Variants in PIEZO1 observed in about 807,000 individuals in gnomAD.
The protein encoded by PIEZO1 is piezo-type mechanosensitive ion channel component 1.
Under a neutral mutation model 297.2 loss-of-function variants are expected in PIEZO1, and 296 were observed. That is an observed-to-expected ratio of 1.00 (90% CI 0.91 to 1.10). The LOEUF is 1.10. Among genes scored for constraint, PIEZO1 ranks in the 50% least tolerant of loss-of-function variants. The pLI is 0.00. For synonymous variants in PIEZO1, 2,427 were observed against 1,507.5 expected, an observed-to-expected ratio of 1.61 and a Z score of -14.13; for missense variants, 5,018 against 3,455.5, an observed-to-expected ratio of 1.45 and a Z score of -11.34.
At chr16:88,784,502 A>G (rs1293067426) in intron 1 of PIEZO1, among the ~76,000 whole-genome samples, 1 of 151,698 alleles carries the variant, frequency 6.6e-6, no homozygotes, top group Admixed American at 6.6e-5. Context: ...TTTTTTTTAA[A>G]CCCGAAAGAG....
At position 88,726,695 on chromosome 16, in the gene PIEZO1, CG is replaced by C; in HGVS notation, c.3699+19del. 3 of 1,540,834 alleles carry C rather than the reference CG, an allele frequency of 1.9e-6. No homozygotes were observed. The highest frequency in any genetic ancestry group is 1.2e-5 in the South Asian group (1 of 83,480). On this transcript the variant is annotated intron_variant, in intron 25 of 50. Coordinates refer to ENST00000301015, the MANE Select transcript of PIEZO1 (RefSeq NM_001142864.4). ...CAGCGGGGCCCCAGGGCGGTGGGTG[CG>C]GGGGGGCCGGAGGCTCACCGACAGC...
chr16:88,733,159 A>G (rs1904982018), intron 19 of PIEZO1, 119 bp downstream of exon 19: 3 of 959,910 alleles, frequency 3.1e-6, no homozygotes. Context: ...CCCCCAGGGG[A>G]GAGTCCTCCA....
Position 88,784,973 on chromosome 16 carries a change from G to A in PIEZO1, c.-9C>T, listed in dbSNP as rs1908116227. 6.7e-6 allele frequency: 9 copies of A among 1,334,282 alleles called. No homozygotes were observed. The highest frequency in any genetic ancestry group is 8.7e-6 in the Non-Finnish European group (9 of 1,033,900). 82.7% of individuals were successfully genotyped at this position (1,334,282 alleles called of 1,614,324 possible). A position where few individuals can be genotyped will look rare whatever the true frequency, so the allele number is the denominator to read the frequency against. ...AGCACGTGCGGCTCCATGGCTGGAG[G>A]GCCCAGGGCCCGGCCCAGACCGAGC... is the stretch of plus-strand genomic sequence containing the variant. On this transcript the variant is annotated 5_prime_UTR_variant, in exon 1 of 51. Coordinates refer to ENST00000301015, the MANE Select transcript of PIEZO1 (RefSeq NM_001142864.4).
intron 22 of PIEZO1, chr16:88,731,442 C>G: frequency 2.0e-6 from 1 of 494,012 alleles, no homozygotes. Flanking sequence ...TCACAACTTT[C>G]CTGAAGGTTT....
Position 88,721,416 on chromosome 16 carries a change from C to T in PIEZO1, c.5418G>A (p.Trp1806Ter). ...HRSQLLCYGL[W>*]DHEEDSPSKE... is the part of the protein sequence containing the mutation. ...TGGATGGTGAGTCCTCCTCATGGTC[C>T]CAGAGGCCATAGCACTGAGGGGCGG... The change falls in exon 39 of 51, where the codon TGG (tryptophan) becomes TGA (stop). Residue 1806 changes from tryptophan (W) to a stop codon, truncating the protein, a stop_gained. Transcript: ENST00000301015. LOFTEE classifies it high-confidence loss of function. The T allele has an allele frequency of 1.3e-6, 2 of 1,549,352 alleles. No individual in the cohort carries two copies. Among genetic ancestry groups the T allele is most frequent in the Non-Finnish European group, 1.7e-6 (2 of 1,146,366 alleles).
Position 88,735,230 on chromosome 16 carries a change from G to C in PIEZO1, c.1574C>G (p.Thr525Ser). ...AAACTGGCGCAGCAGGAGCCAGAAG[G>C]TCAGGGTGTAGAGCAACTGTGACAA... ...DLGAMLLYTL[T>S]FWLLLRQFVK... Residue 525 changes from threonine (T) to serine (S), a missense_variant, in exon 13 of 51, where the codon ACC (threonine) becomes AGC (serine). By Grantham distance (58) the Thr-to-Ser change is moderately conservative. Transcript: ENST00000301015. The C allele has an allele frequency of 6.5e-7, 1 of 1,550,222 alleles. No homozygotes were observed. The highest frequency in any genetic ancestry group is 8.7e-7 in the Non-Finnish European group (1 of 1,146,742).
chr16:88,717,160 T>G lies in PIEZO1; in HGVS notation c.6523A>C (p.Met2175Leu). 6.4e-7 allele frequency: 1 copy of G among 1,551,042 alleles called. No homozygotes were observed. Among genetic ancestry groups the G allele is most frequent in the South Asian group, 1.2e-5 (1 of 84,072 alleles). The change falls in exon 45 of 51, where the codon ATG becomes CTG. Residue 2175 changes from methionine (M) to leucine (L), a missense_variant. Transcript: ENST00000301015. ...QKKKKIVKYG[M>L]GGLIILFLIA... is the part of the protein sequence containing the mutation. The stretch of plus-strand genomic sequence containing the variant: ...AGGAAGAGGATGATGAGGCCACCCA[T>G]GCCGTACTTGACGATCTTCTTCTTC...
At chr16:88,739,007 C>T (rs1597462712) in intron 5 of PIEZO1, 1 of 540,138 alleles carries the variant, frequency 1.9e-6, no homozygotes, top group East Asian at 3.1e-5. Flanking sequence ...TCCTGCCAAG[C>T]CCAGGCACGT....
Position 88,733,708 on chromosome 16 carries a change from C to G in PIEZO1, c.2367G>C (p.Leu789=), listed in dbSNP as rs960462384. 1 of 1,548,584 alleles carries G rather than the reference C, an allele frequency of 6.5e-7. No homozygotes were observed. Among genetic ancestry groups the G allele is most frequent in the African/African-American group, 1.4e-5 (1 of 73,148 alleles). Residue 789 remains leucine (L), a synonymous_variant, in exon 18 of 51, where the codon CTG becomes CTC. Coordinates refer to ENST00000301015, the MANE Select transcript of PIEZO1 (RefSeq NM_001142864.4). Reference sequence around the variant, plus strand: ...CGTCCGAGAAGCCGGCTGCCAGCTCCAGCAGCCGCTCAGCCACCAGGCCCC... The same window carrying G: ...CGTCCGAGAAGCCGGCTGCCAGCTCGAGCAGCCGCTCAGCCACCAGGCCCC... ...AKWGLVAERL[L]ELAAGFSDVL...
At chr16:88,731,959 A>ATGGGCG (rs1482630762) in intron 21 of PIEZO1, 49 bp from the exon 22 acceptor site, 2 of 64,654 alleles carry the variant, frequency 3.1e-5, no homozygotes, top group African/African-American at 1.8e-4. Context: ...GTCTGGGGGG[A>ATGGGCG]GGGACTTTCT....
chr16:88,749,628 C>T (rs573227007), intron 1 of PIEZO1, 149 bp from the exon 2 acceptor site: 9 of 615,638 alleles, frequency 1.5e-5, no homozygotes, highest in South Asian at 4.1e-5. Context: ...GAAGCCGCCT[C>T]GCGCTTCCGT....
At chr16:88,766,324 C>G (rs1366702577) in intron 1 of PIEZO1, among the ~76,000 whole-genome samples, 3 of 152,210 alleles carry the variant, frequency 2.0e-5, no homozygotes, top group African/African-American at 7.2e-5. Flanking sequence ...AGCGCACAGC[C>G]TGGACTCGAG....
chr16:88,752,774 G>A (rs890314071), intron 1 of PIEZO1, among the ~76,000 whole-genome samples: 11 of 147,826 alleles, frequency 7.4e-5, no homozygotes, highest in Admixed American at 4.0e-4. Flanking sequence ...GCAGGCCAAC[G>A]TCACCCGGCA....
intron 2 of PIEZO1, among the ~76,000 whole-genome samples, chr16:88,746,720 GA>G (rs2142856406): frequency 6.6e-6 from 1 of 152,346 alleles, no homozygotes; most frequent in African/African-American, 2.4e-5. Context: ...CTCAGGCAGG[GA>G]AGTCCTCCCG....
At chr16:88,736,883 C>T (rs368670599) in intron 10 of PIEZO1, 144 bp from the exon 11 acceptor site, 18 of 535,940 alleles carry the variant, frequency 3.4e-5, no homozygotes, top group South Asian at 6.9e-5. Context: ...ACGAGGGCTC[C>T]GGCAATTGGG....
At chr16:88,756,007 T>C (rs1906638105) in intron 1 of PIEZO1, among the ~76,000 whole-genome samples, 3 of 152,152 alleles carry the variant, frequency 2.0e-5, no homozygotes, top group Non-Finnish European at 2.9e-5. Flanking sequence ...AAGGAAGGAC[T>C]GGGGCCTGGA....
rs746062165 is a variant in PIEZO1, at chr16:88,741,483, C to T, written c.460G>A (p.Glu154Lys). The T allele has an allele frequency of 2.0e-6, 3 of 1,534,920 alleles. No individual in the cohort carries two copies. Among genetic ancestry groups the T allele is most frequent in the Non-Finnish European group, 2.6e-6 (3 of 1,146,290 alleles). ...GGTGACGCAGCTGCCCTCACCAGCT[C>T]CCGTGGATGTGGGCTCTGCCGGGTG... ...RNTRQSPHPR[E>K]LDDDERDVDA... Residue 154 changes from glutamate (E) to lysine (K), a missense_variant, in exon 5 of 51, where the codon GAG becomes AAG. Glu to Lys is a moderately conservative substitution (Grantham distance 56, BLOSUM62 1). Transcript: ENST00000301015.
At chr16:88,770,846 A>C (rs1442246450) in intron 1 of PIEZO1, among the ~76,000 whole-genome samples, 1 of 152,214 alleles carries the variant, frequency 6.6e-6, no homozygotes, top group Non-Finnish European at 1.5e-5. Context: ...GCTGGGCCTC[A>C]TGTCCTCACC....
intron 2 of PIEZO1, among the ~76,000 whole-genome samples, chr16:88,748,827 G>T (rs1906207389): frequency 6.6e-6 from 1 of 151,768 alleles, no homozygotes; most frequent in African/African-American, 2.4e-5. Flanking sequence ...CAGCTACTTG[G>T]GAGGCTGGGA....
Sources: allele counts gnomAD v4.1 joint callset (sites outside exome capture counted in the v4.1 genomes callset), GRCh38; gene constraint gnomAD v4.1.1; transcripts MANE v1.5; gene names NCBI Gene and HGNC (gene_info 2026-07-23, HGNC 2026-07-21).